The following ITGAX variants were observed in gnomAD, a reference collection of about 807,000 sequenced individuals.
ITGAX encodes integrin alpha-X.
In ITGAX, 99 loss-of-function variants were observed where a neutral mutation model predicts 140.2. The ratio of observed to expected loss-of-function variants is 0.71; its 90% confidence interval spans 0.60 to 0.83. The LOEUF (loss-of-function observed/expected upper bound fraction) is 0.83, where lower values mean the gene tolerates loss of function less well. ITGAX is among the 40% of genes least tolerant of loss of function. The pLI is 0.00. For missense variants in ITGAX, 1,444 were observed against 1,482.0 expected (o/e 0.97, Z 0.42); for synonymous variants, 631 against 600.4 (o/e 1.05, Z -0.75).
In ITGAX at chr16:31,363,277, A is replaced by C. The variant is rs1453263317; in HGVS notation, c.1613A>C (p.Asp538Ala). Residue 538 changes from aspartate to alanine, a missense_variant, in exon 14 of 30, where the codon GAC (aspartate) becomes GCC (alanine). Transcript: ENST00000268296. The part of the protein sequence containing the change: ...LGDVNGDKLT[D>A]VVIGAPGEEE... Reference sequence around the variant, plus strand: ...GATGTGAATGGGGACAAGCTGACAGACGTGGTCATCGGGGCCCCAGGAGAG... The same window carrying C: ...GATGTGAATGGGGACAAGCTGACAGCCGTGGTCATCGGGGCCCCAGGAGAG... 6.2e-7 allele frequency: 1 copy of C among 1,613,060 alleles called. No homozygotes were observed. The highest frequency in any genetic ancestry group is 8.5e-7 in the Non-Finnish European group (1 of 1,179,698).
chr16:31,363,201 G>C lies in ITGAX; in HGVS notation c.1537G>C (p.Glu513Gln). Residue 513 changes from glutamate (E) to glutamine (Q), a missense_variant, in exon 14 of 30, where the codon GAG becomes CAG. Glu to Gln is a conservative substitution (Grantham distance 29). Coordinates refer to ENST00000268296, the MANE Select transcript of ITGAX (RefSeq NM_000887.5). The part of the protein sequence containing the change: ...RWWCDAVLYG[E>Q]QGHPWGRFGA... ...GTGGTGTGATGCTGTTCTCTACGGG[G>C]AGCAGGGCCACCCCTGGGGTCGCTT... The C allele has an allele frequency of 6.2e-7, 1 of 1,612,748 alleles. No homozygotes were observed. The highest frequency in any genetic ancestry group is 1.3e-5 in the African/African-American group (1 of 74,898).
Position 31,371,143 on chromosome 16 carries a change from G to C in ITGAX, c.1770G>C (p.Gly590=), listed in dbSNP as rs2230426. Residue 590 remains glycine, a synonymous_variant, in exon 15 of 30, where the codon GGG becomes GGC. Transcript: ENST00000268296. ...AGTATTTTGGGCAGGCACTGAGCGG[G>C]GGTCAAGACCTCACCCAGGATGGAC... ...RLQYFGQALS[G]GQDLTQDGLV... 7.1e-3 allele frequency: 11,528 copies of C among 1,614,014 alleles called. 750 individuals carry two copies. The African/African-American group carries it at 0.14, about 19-fold the overall frequency.
rs752530954 is a variant in ITGAX at position 31,377,224 on chromosome 16, G to A, written c.2748G>A (p.Leu916=). 6.2e-7 allele frequency: 1 copy of A among 1,613,994 alleles called. No individual in the cohort carries two copies. Among genetic ancestry groups the A allele is most frequent in the East Asian group, 2.2e-5 (1 of 44,876 alleles). ...TPRTSKTTFQ[L]ELPVKYAVYT... ...GGACCAGCAAGACCACCTTCCAGCT[G>A]GAGCTCCCGGTGAAGTATGCTGTCT... is the stretch of plus-strand genomic sequence containing the variant. Residue 916 remains leucine (L), a synonymous_variant, in exon 23 of 30, where the codon CTG becomes CTA. Transcript: ENST00000268296.
chr16:31,380,853 AG>A, intron 28 of ITGAX, 43 bp from the exon 29 acceptor site: 1 of 1,537,508 alleles, frequency 6.5e-7, no homozygotes, highest in South Asian at 1.1e-5. Context: ...AGTCTGGGAT[AG>A]TAGGAGGATG....
intron 9 of ITGAX, chr16:31,361,574 C>A (rs1451959589): frequency 1.4e-6 from 1 of 708,880 alleles, no homozygotes; most frequent in Non-Finnish European, 2.5e-6. Context: ...GGCACACGGA[C>A]ACCTGGCCCC....
intron 29 of ITGAX, 144 bp from the exon 30 acceptor site, chr16:31,381,659 T>G: frequency 1.6e-6 from 1 of 640,554 alleles, no homozygotes. Flanking sequence ...TAAATCTAGA[T>G]GACATGATGC....
At position 31,360,434 on chromosome 16, in the gene ITGAX, G is replaced by A; in HGVS notation, c.832G>A (p.Ala278Thr). 6.2e-7 allele frequency: 1 copy of A among 1,612,966 alleles called. No homozygotes were observed. Among genetic ancestry groups the A allele is most frequent in the Non-Finnish European group, 8.5e-7 (1 of 1,179,576 alleles). ...DYKDVIPMAD[A>T]AGIIRYAIGV... ...TAAGGATGTCATCCCCATGGCTGAT[G>A]CAGCAGGCATCATCCGCTATGCAAT... Residue 278 changes from alanine (A) to threonine (T), a missense_variant, in exon 8 of 30, where the codon GCA (alanine) becomes ACA (threonine). Coordinates refer to ENST00000268296, the MANE Select transcript of ITGAX (RefSeq NM_000887.5).
chr16:31,362,474 G>A lies in ITGAX; in HGVS notation c.1217-137G>A. On this transcript the variant is annotated intron_variant, in intron 11 of 29. Coordinates refer to ENST00000268296, the MANE Select transcript of ITGAX (RefSeq NM_000887.5). ...GGTGGGTTCCAGGGTTCTGGGGAGA[G>A]AGGATGGGGGCTGCATTGCCCAGGG... 1.6e-6 allele frequency: 2 copies of A among 1,235,832 alleles called. 1 individual carries two copies. The highest frequency in any genetic ancestry group is 2.2e-6 in the Non-Finnish European group (2 of 910,386). The allele number at this position is 1,235,832 out of a possible 1,614,324, so 76.6% of individuals were successfully genotyped here.
Position 31,382,544 on chromosome 16 carries a change from C to G in ITGAX, c.*637C>G, listed in dbSNP as rs919552930. 5 of 1,025,990 alleles carry G rather than the reference C, an allele frequency of 4.9e-6. No individual in the cohort carries two copies. The highest frequency in any genetic ancestry group is 7.3e-6 in the Non-Finnish European group (5 of 681,080). The allele number at this position is 1,025,990 out of a possible 1,614,324, so 63.6% of individuals were successfully genotyped here. On this transcript the variant is annotated 3_prime_UTR_variant, in exon 30 of 30. Transcript: ENST00000268296. Reference sequence around the variant, plus strand: ...GTCCCCTTCCATCCCAGAGGGTGGGCTTCAGGGCGCACAGCATGAGAGGCT... The same window carrying G: ...GTCCCCTTCCATCCCAGAGGGTGGGGTTCAGGGCGCACAGCATGAGAGGCT...
chr16:31,361,026 T>C, intron 8 of ITGAX, 37 bp from the exon 9 acceptor site: 1 of 1,602,466 alleles, frequency 6.2e-7, no homozygotes, highest in South Asian at 1.1e-5. Flanking sequence ...CACATTTGAT[T>C]TATTATTTTT....
chr16:31,359,573 C>A, intron 5 of ITGAX, 127 bp from the exon 6 acceptor site: 1 of 1,085,600 alleles, frequency 9.2e-7, no homozygotes, highest in Non-Finnish European at 1.3e-6. Flanking sequence ...TGGAGCCTGA[C>A]TCCCATCGCC....
intron 15 of ITGAX, 35 bp from the exon 16 acceptor site, chr16:31,371,299 G>A (rs773841961): frequency 5.0e-6 from 8 of 1,610,780 alleles, no homozygotes; most frequent in Middle Eastern, 3.3e-4. Context: ...CCCAGGAGCC[G>A]ACGGCCTGTC....
intron 14 of ITGAX, among the ~76,000 whole-genome samples, chr16:31,366,302 T>C (rs568925282): frequency 1.3e-5 from 2 of 152,210 alleles, no homozygotes; most frequent in Non-Finnish European, 2.9e-5. Context: ...TATTGTCCTC[T>C]TTTTGGGGCA....
At chr16:31,355,527 G>A (rs74015510) in intron 1 of ITGAX, among the ~76,000 whole-genome samples, 6,811 of 152,320 alleles carry the variant, frequency 0.045, 526 homozygotes, top group African/African-American at 0.15. Flanking sequence ...AGTTGTCTCT[G>A]TACTGCAGAG....
chr16:31,368,859 A>G (rs2080920768), intron 14 of ITGAX, among the ~76,000 whole-genome samples: 1 of 151,600 alleles, frequency 6.6e-6, no homozygotes, highest in East Asian at 1.9e-4. Context: ...CACATCTTGC[A>G]CCGCCCTTAA....
rs2080834864 is a variant in ITGAX, at chr16:31,362,149, C to A, written c.1161C>A (p.Ser387Arg). 1 of 1,613,946 alleles carries A rather than the reference C, an allele frequency of 6.2e-7. No individual in the cohort carries two copies. The highest frequency in any genetic ancestry group is 1.7e-5 in the Admixed American group (1 of 59,994). ...CCTTCCTGTACCCCCCAAATATGAGCCCTACCTTCATCAACATGTCTCAGG... is the reference window on the plus strand; with the variant it reads ...CCTTCCTGTACCCCCCAAATATGAGACCTACCTTCATCAACATGTCTCAGG... Reference protein sequence around the residue: ...GGAFLYPPNMSPTFINMSQEN... With the variant: ...GGAFLYPPNMRPTFINMSQEN... Residue 387 changes from serine to arginine, a missense_variant, in exon 11 of 30, where the codon AGC (serine) becomes AGA (arginine). Physicochemically the swap from Ser to Arg is moderately radical, Grantham distance 110. Coordinates refer to ENST00000268296, the MANE Select transcript of ITGAX (RefSeq NM_000887.5).
chr16:31,359,407 G>T (rs771738238), intron 5 of ITGAX, among the ~76,000 whole-genome samples: 15 of 151,878 alleles, frequency 9.9e-5, no homozygotes, highest in Non-Finnish European at 2.1e-4. Context: ...CTCGTGATCC[G>T]CCCCCCTCGG....
intron 14 of ITGAX, among the ~76,000 whole-genome samples, chr16:31,364,467 A>T (rs1301814934): frequency 1.3e-5 from 2 of 148,398 alleles, no homozygotes; most frequent in African/African-American, 4.9e-5. Context: ...AAGGATTTGG[A>T]TAGGGTAGAC....
chr16:31,360,133 C>G (rs1236685436), intron 7 of ITGAX, 68 bp downstream of exon 7: 2 of 1,586,984 alleles, frequency 1.3e-6, no homozygotes, highest in Non-Finnish European at 1.7e-6. Context: ...TCATCTGTCT[C>G]CACGAGAAGG....
Sources: allele counts gnomAD v4.1 joint callset (sites outside exome capture counted in the v4.1 genomes callset), GRCh38; gene constraint gnomAD v4.1.1; transcripts MANE v1.5; gene names NCBI Gene and HGNC (gene_info 2026-07-23, HGNC 2026-07-21).